Variants in DTNA observed in about 807,000 individuals in gnomAD.
DTNA encodes dystrobrevin alpha, also known as dystrophin-related protein 3.
DTNA carries 43 observed loss-of-function variants against 100.7 expected under a neutral mutation model. The observed-to-expected ratio is 0.43, with a 90% CI of 0.33 to 0.55. The LOEUF (loss-of-function observed/expected upper bound fraction) is 0.55, where lower values mean the gene tolerates loss of function less well. Ranked by LOEUF, DTNA falls within the 20% of genes least tolerant of loss-of-function variation. The pLI is 0.04. For synonymous variants in DTNA, 349 were observed against 347.9 expected (o/e 1.00, Z -0.04); for missense variants, 798 against 953.9 (o/e 0.84, Z 2.15).
chr18:34,545,142 G>A (rs1306567109), intron 1 of DTNA, among the ~76,000 whole-genome samples: 1 of 152,002 alleles, frequency 6.6e-6, no homozygotes, highest in Non-Finnish European at 1.5e-5. Flanking sequence ...GGGGGCTAAT[G>A]GGAAGGGGAC....
intron 1 of DTNA, among the ~76,000 whole-genome samples, chr18:34,541,712 G>T (rs535436708): frequency 1.3e-5 from 2 of 152,186 alleles, no homozygotes; most frequent in African/African-American, 4.8e-5. Context: ...GAAAATAAAG[G>T]ATTTTTCTGA....
At chr18:34,880,520 G>C (rs1180718050) in intron 20 of DTNA, among the ~76,000 whole-genome samples, 1 of 152,198 alleles carries the variant, frequency 6.6e-6, no homozygotes, top group African/African-American at 2.4e-5. Context: ...CCCAAAAGCT[G>C]GGGGAGGGAG....
At chr18:34,769,887 A>G (rs949753210) in intron 3 of DTNA, among the ~76,000 whole-genome samples, 2 of 150,940 alleles carry the variant, frequency 1.3e-5, no homozygotes, top group African/African-American at 4.9e-5. Context: ...ACGCCCAGCT[A>G]ATTTTGTATT....
chr18:34,711,499 C>T (rs2082898055), intron 1 of DTNA, among the ~76,000 whole-genome samples: 1 of 152,156 alleles, frequency 6.6e-6, no homozygotes, highest in Non-Finnish European at 1.5e-5. Context: ...CAAAGCCCTA[C>T]TGTTATTCTA....
chr18:34,673,340 A>G (rs771877278), intron 1 of DTNA, among the ~76,000 whole-genome samples: 1 of 152,070 alleles, frequency 6.6e-6, no homozygotes, highest in Non-Finnish European at 1.5e-5. Flanking sequence ...GGGTTTTGTC[A>G]TGTTGCCCAG....
chr18:34,693,750 G>A (rs1403039610), intron 1 of DTNA, among the ~76,000 whole-genome samples: 1 of 116,936 alleles, frequency 8.6e-6, no homozygotes, highest in Non-Finnish European at 1.8e-5. Flanking sequence ...TGTGCACTGT[G>A]TGTGTGTGTG....
intron 5 of DTNA, 129 bp downstream of exon 5, chr18:34,806,433 A>G (rs1168670983): frequency 5.1e-6 from 4 of 784,480 alleles, no homozygotes; most frequent in African/African-American, 3.4e-5. Context: ...TTTGAAATAC[A>G]TTTTTCACTG....
chr18:34,792,183 T>C (rs1030552845), intron 3 of DTNA, among the ~76,000 whole-genome samples: 7 of 152,126 alleles, frequency 4.6e-5, no homozygotes, highest in Admixed American at 3.9e-4. Flanking sequence ...AACCATACTT[T>C]AGGTTTTTGT....
chr18:34,585,900 A>G (rs2049086355), intron 1 of DTNA, among the ~76,000 whole-genome samples: 1 of 152,182 alleles, frequency 6.6e-6, no homozygotes, highest in Non-Finnish European at 1.5e-5. Flanking sequence ...TTTTATTAAT[A>G]TGAAAAAGCT....
chr18:34,878,284 A>G (rs1015020274), intron 19 of DTNA, among the ~76,000 whole-genome samples: 1 of 152,058 alleles, frequency 6.6e-6, no homozygotes, highest in Non-Finnish European at 1.5e-5. Context: ...TTTTTAAGTA[A>G]TGTTTATATT....
At chr18:34,846,382 T>C (rs1004449393) in intron 13 of DTNA, among the ~76,000 whole-genome samples, 2 of 152,152 alleles carry the variant, frequency 1.3e-5, no homozygotes, top group African/African-American at 2.4e-5. Context: ...TTAACTAATA[T>C]TTTTGAGCAC....
intron 1 of DTNA, among the ~76,000 whole-genome samples, chr18:34,730,830 C>A (rs544157064): frequency 6.6e-6 from 1 of 152,184 alleles, no homozygotes; most frequent in African/African-American, 2.4e-5. Flanking sequence ...CTGGTGACCA[C>A]CAAAGAGCTC....
chr18:34,848,509 G>A (rs1185551147), intron 14 of DTNA, 126 bp downstream of exon 14: 15 of 1,063,104 alleles, frequency 1.4e-5, no homozygotes, highest in Non-Finnish European at 2.1e-5. Flanking sequence ...TATTGTGCAT[G>A]TGTTTGTTGC....
upstream of DTNA, among the ~76,000 whole-genome samples, chr18:34,706,043 GTACAAGCGATTC>G (rs1327332698): frequency 2.0e-5 from 3 of 152,122 alleles, no homozygotes; most frequent in African/African-American, 7.2e-5. Flanking sequence ...CGCCTCCCAG[GTACAAGCGATTC>G]TCCTGCCTCA....
chr18:34,799,381 T>A (rs888644833), intron 4 of DTNA, among the ~76,000 whole-genome samples: 46 of 152,290 alleles, frequency 3.0e-4, no homozygotes, highest in Non-Finnish European at 6.3e-4. Context: ...CTTTCGAATT[T>A]AAAAAATGAT....
At chr18:34,771,214 G>A (rs978003805) in intron 3 of DTNA, among the ~76,000 whole-genome samples, 2 of 152,086 alleles carry the variant, frequency 1.3e-5, no homozygotes, top group African/African-American at 4.8e-5. Flanking sequence ...AAAGACACTT[G>A]TAAGTCCAGG....
chr18:34,684,627 T>C lies in DTNA; in HGVS notation c.-1-71349T>C, dbSNP rs149087020. The stretch of plus-strand genomic sequence containing the variant: ...AAACATACATGTGCATGTGTCTTTA[T>C]AGTAGAATGACTTATAATCCTTTGG... On this transcript the variant is annotated intron_variant, in intron 1 of 19. Coordinates refer to the DTNA transcript ENST00000283365. Among the ~76,000 whole-genome samples, 687 of 152,326 alleles carry C rather than the reference T, an allele frequency of 4.5e-3. 6 individuals carry two copies. Among genetic ancestry groups the C allele is most frequent in the African/African-American group, 0.015 (638 of 41,574 alleles).
At chr18:34,867,649 G>A (rs926373262) in intron 17 of DTNA, 14 of 991,850 alleles carry the variant, frequency 1.4e-5, no homozygotes, top group Admixed American at 6.1e-5. Flanking sequence ...TCATCCTGTC[G>A]TCATCAGCCT....
chr18:34,867,386 T>TTAACAGAAG, intron 17 of DTNA: 1 of 1,229,106 alleles, frequency 8.1e-7, no homozygotes, highest in Non-Finnish European at 1.0e-6. Flanking sequence ...AAGTCAAATT[T>TTAACAGAAG]TAACAGAAGA....
Sources: allele counts gnomAD v4.1 joint callset (sites outside exome capture counted in the v4.1 genomes callset), GRCh38; gene constraint gnomAD v4.1.1; transcripts MANE v1.5; gene names NCBI Gene and HGNC (gene_info 2026-07-23, HGNC 2026-07-21).